The following CNGA1 variants were observed in gnomAD, a reference collection of about 807,000 sequenced individuals.
CNGA1 encodes cyclic nucleotide gated channel subunit alpha 1, also known as cyclic nucleotide-gated channel alpha-1.
CNGA1 carries 53 observed loss-of-function variants against 69.7 expected under a neutral mutation model. The ratio of observed to expected loss-of-function variants is 0.76; its 90% CI spans 0.61 to 0.96. The LOEUF (loss-of-function observed/expected upper bound fraction) is 0.96. Among genes scored for constraint, CNGA1 ranks in the 40% least tolerant of loss-of-function variants. The pLI is 0.00. For synonymous variants in CNGA1, 249 were observed against 283.5 expected, an observed-to-expected ratio of 0.88 and a Z score of 1.22; for missense variants, 739 against 811.2, an observed-to-expected ratio of 0.91 and a Z score of 1.08.
intron 2 of CNGA1, among the ~76,000 whole-genome samples, chr4:47,987,150 A>G (rs566455400): frequency 6.6e-6 from 1 of 152,240 alleles, no homozygotes; most frequent in Non-Finnish European, 1.5e-5. Flanking sequence ...GCTACTTTTA[A>G]TCTTGTTCCC....
chr4:48,014,133 T>C (rs1028083824), intron 1 of CNGA1, among the ~76,000 whole-genome samples: 2 of 152,174 alleles, frequency 1.3e-5, no homozygotes, highest in Non-Finnish European at 2.9e-5. Flanking sequence ...GTCAGAAGAG[T>C]AATTTTCCTA....
intron 3 of CNGA1, among the ~76,000 whole-genome samples, chr4:47,959,549 T>A (rs1319429207): frequency 6.6e-6 from 1 of 151,976 alleles, no homozygotes; most frequent in Non-Finnish European, 1.5e-5. Flanking sequence ...AGGAAAATAG[T>A]CTCATAACTT....
chr4:47,952,151 T>C (rs1407865517), intron 4 of CNGA1, among the ~76,000 whole-genome samples: 1 of 151,948 alleles, frequency 6.6e-6, no homozygotes, highest in Non-Finnish European at 1.5e-5. Flanking sequence ...TCACTTGAGG[T>C]CAGGAGTTCG....
At position 48,016,667 on chromosome 4, in the gene CNGA1, G is replaced by C; in HGVS notation, c.-407C>G. 5 of 587,606 alleles carry C rather than the reference G, an allele frequency of 8.5e-6. No homozygotes were observed. In the South Asian group the frequency reaches 1.1e-4, roughly 13 times the overall value. The allele number at this position is 587,606 out of a possible 1,614,324, so 36.4% of individuals were successfully genotyped here. ...ATTCGCAACAAGCCCCGGGCAGCAGGGCTCGGCTGGCGCTGAGGCCCCGCC... is the reference window on the plus strand; with the variant it reads ...ATTCGCAACAAGCCCCGGGCAGCAGCGCTCGGCTGGCGCTGAGGCCCCGCC... On this transcript the variant is annotated 5_prime_UTR_variant, in exon 1 of 11. Coordinates refer to ENST00000514170, the MANE Select transcript of CNGA1 (RefSeq NM_001379270.1).
chr4:47,951,901 T>G (rs1335998688), intron 4 of CNGA1, among the ~76,000 whole-genome samples: 1 of 152,232 alleles, frequency 6.6e-6, no homozygotes, highest in Non-Finnish European at 1.5e-5. Context: ...AATTATACTT[T>G]TAAATCACAT....
At chr4:47,952,812 C>T in intron 3 of CNGA1, 109 bp from the exon 4 acceptor site, 3 of 688,244 alleles carry the variant, frequency 4.4e-6, no homozygotes, top group Non-Finnish European at 6.3e-6. Flanking sequence ...CTAATAAAGA[C>T]ATACCTGAGA....
At chr4:47,985,988 C>T (rs1330935344) in intron 2 of CNGA1, among the ~76,000 whole-genome samples, 1 of 152,236 alleles carries the variant, frequency 6.6e-6, no homozygotes, top group African/African-American at 2.4e-5. Flanking sequence ...TAATTGTGCT[C>T]TCTCTTCCTT....
intron 1 of CNGA1, among the ~76,000 whole-genome samples, chr4:48,013,919 G>T (rs1008178980): frequency 7.2e-5 from 11 of 152,098 alleles, no homozygotes; most frequent in South Asian, 4.1e-4. Context: ...GCAACTCAGG[G>T]GTTAACCTTG....
chr4:47,990,238 T>C (rs868517947), intron 2 of CNGA1, among the ~76,000 whole-genome samples: 16 of 152,256 alleles, frequency 1.1e-4, no homozygotes, highest in Middle Eastern at 3.4e-3. Context: ...CATATTTTTC[T>C]TTCTGCAGAA....
At chr4:47,974,067 T>G (rs1741195574) in intron 3 of CNGA1, among the ~76,000 whole-genome samples, 1 of 125,184 alleles carries the variant, frequency 8.0e-6, no homozygotes, top group Non-Finnish European at 1.7e-5. Flanking sequence ...TAACCTGGTC[T>G]CTAGATAGAT....
intron 3 of CNGA1, among the ~76,000 whole-genome samples, chr4:47,961,243 C>T (rs1279898749): frequency 6.6e-6 from 1 of 152,208 alleles, no homozygotes; most frequent in Non-Finnish European, 1.5e-5. Context: ...CTGTCTTCAG[C>T]ATTCAAGGTG....
chr4:47,979,454 TA>T (rs1187457753), intron 3 of CNGA1, among the ~76,000 whole-genome samples: 7 of 152,078 alleles, frequency 4.6e-5, no homozygotes, highest in Non-Finnish European at 8.8e-5. Flanking sequence ...CCAAAACTTA[TA>T]AAATATAGTA....
Position 47,937,368 on chromosome 4 carries a change from C to T in CNGA1, c.1114G>A (p.Val372Ile), listed in dbSNP as rs1233137805. ...ATTAGGAAATCAACCACCACAAAGA[C>T]ATACTCAGAATCCCTCACGGGAGGG... ...TPPPVRDSEY[V>I]FVVVDFLIGV... The change falls in exon 11 of 11, where the codon GTC becomes ATC. Residue 372 changes from valine (V) to isoleucine (I), a missense_variant. Transcript: ENST00000514170. The T allele has an allele frequency of 6.2e-7, 1 of 1,614,156 alleles. No homozygotes were observed. The highest frequency in any genetic ancestry group is 8.5e-7 in the Non-Finnish European group (1 of 1,180,032).
chr4:47,937,875 C>A, intron 10 of CNGA1, 46 bp from the exon 11 acceptor site: 1 of 1,471,582 alleles, frequency 6.8e-7, no homozygotes, highest in South Asian at 1.2e-5. Context: ...CTTTTTATGT[C>A]ATTGTGAATT....
At chr4:47,941,432 T>A (rs1456785004) in intron 9 of CNGA1, among the ~76,000 whole-genome samples, 1 of 152,238 alleles carries the variant, frequency 6.6e-6, no homozygotes, top group African/African-American at 2.4e-5. Flanking sequence ...TTTAGGAAGT[T>A]GTGCTTGGTC....
At chr4:48,007,026 T>C (rs1714948451) in intron 2 of CNGA1, among the ~76,000 whole-genome samples, 1 of 152,154 alleles carries the variant, frequency 6.6e-6, no homozygotes, top group Admixed American at 6.6e-5. Flanking sequence ...AAGTCATTCA[T>C]TTAACCAGAG....
chr4:47,940,334 T>C (rs766055682), intron 10 of CNGA1, among the ~76,000 whole-genome samples: 5 of 152,236 alleles, frequency 3.3e-5, no homozygotes, highest in Non-Finnish European at 4.4e-5. Flanking sequence ...TATCTCACCA[T>C]AAACCACAAA....
Position 47,936,523 on chromosome 4 carries a change from T to C in CNGA1, c.1959A>G (p.Gln653=). 1.2e-6 allele frequency: 2 copies of C among 1,614,190 alleles called. No homozygotes were observed. The highest frequency in any genetic ancestry group is 8.5e-7 in the Non-Finnish European group (1 of 1,180,030). The change falls in exon 11 of 11, where the codon CAA becomes CAG. Residue 653 remains glutamine (Q), a synonymous_variant. Transcript: ENST00000514170. ...GAAATTTCTCAACCTTGGTTAATCT[T>C]TGTTTCAGTTTCTGCTGCATGGACT... ...EYESMQQKLK[Q]RLTKVEKFLK...
intron 5 of CNGA1, 126 bp downstream of exon 5, chr4:47,951,227 G>T: frequency 1.4e-6 from 1 of 690,598 alleles, no homozygotes; most frequent in Non-Finnish European, 2.7e-6. Flanking sequence ...CGCTAAGCAT[G>T]TGGGAGTTAT....
Sources: gnomAD v4.1 joint callset for allele counts (sites outside exome capture counted in the v4.1 genomes callset) on GRCh38, gnomAD v4.1.1 for gene constraint, MANE v1.5 for transcripts, NCBI Gene and HGNC (gene_info 2026-07-23, HGNC 2026-07-21) for gene names.